Variants in SLFN12L observed in about 807,000 individuals in gnomAD.
SLFN12L encodes the protein schlafen family member 12 like.
SLFN12L carries 34 observed loss-of-function variants against 34.8 expected under a neutral mutation model. The observed-to-expected ratio is 0.98, with a 90% CI of 0.74 to 1.30. SLFN12L has a LOEUF of 1.30. Ranked by LOEUF, SLFN12L falls within the 50% of genes most tolerant of loss-of-function variation. SLFN12L has a pLI of 0.00. For synonymous variants in SLFN12L, 259 were observed against 247.5 expected, an observed-to-expected ratio of 1.05 and a Z score of -0.44; for missense variants, 703 against 696.2, an observed-to-expected ratio of 1.01 and a Z score of -0.11.
chr17:35,534,525 G>A (rs2072440703), intron 1 of SLFN12L, among the ~76,000 whole-genome samples: 1 of 151,700 alleles, frequency 6.6e-6, no homozygotes, highest in Admixed American at 6.6e-5. Context: ...AACAGATGGT[G>A]ATGTGGACTA....
rs1913844436 is a variant in SLFN12L at position 35,473,615 on chromosome 17, T to C, written c.*1308A>G. 1.3e-5 allele frequency: 2 copies of C among 152,160 alleles called. No individual in the cohort carries two copies. Among genetic ancestry groups the C allele is most frequent in the Admixed American group, 1.3e-4 (2 of 15,272 alleles). The allele number at this position is 152,160 out of a possible 1,614,324, so 9.4% of individuals were successfully genotyped here. A position where few individuals can be genotyped will look rare whatever the true frequency, so the allele number is the denominator to read the frequency against. ...CAGGGATATTGGCCTGAAGTTTTCCTTTTTTTATTGTGTCCCTACCAGGTT... is the reference window on the plus strand; with the variant it reads ...CAGGGATATTGGCCTGAAGTTTTCCCTTTTTTATTGTGTCCCTACCAGGTT... On this transcript the variant is annotated 3_prime_UTR_variant, in exon 5 of 5. Transcript: ENST00000628453.
chr17:35,480,048 C>G lies in SLFN12L; in HGVS notation c.234G>C (p.Leu78=). The G allele has an allele frequency of 6.2e-7, 1 of 1,614,172 alleles. No individual in the cohort carries two copies. Among genetic ancestry groups the G allele is most frequent in the Non-Finnish European group, 8.5e-7 (1 of 1,180,028 alleles). ...AGACATTTTCATTCTGCTGTTTTCTCAGTTGACAATCCTTCATTTTTTTTC... is the reference window on the plus strand; with the variant it reads ...AGACATTTTCATTCTGCTGTTTTCTGAGTTGACAATCCTTCATTTTTTTTC... ...NNRKKMKDCQ[L]RKQQNENVSR... is the part of the protein sequence containing the mutation. Residue 78 remains leucine, a synonymous_variant, in exon 3 of 5, where the codon CTG becomes CTC. Coordinates refer to ENST00000628453, the MANE Select transcript of SLFN12L (RefSeq NM_001363830.2).
intron 2 of SLFN12L, chr17:35,515,056 GTTTC>G (rs1915768633): frequency 1.7e-6 from 1 of 592,454 alleles, no homozygotes; most frequent in Non-Finnish European, 3.3e-6. Context: ...GCCAGCTTCT[GTTTC>G]TTTCTTTATT....
intron 2 of SLFN12L, among the ~76,000 whole-genome samples, chr17:35,505,543 T>A (rs1323499553): frequency 6.6e-6 from 1 of 152,242 alleles, no homozygotes; most frequent in Non-Finnish European, 1.5e-5. Context: ...CAAAGCTTGC[T>A]ATGTGAAAAT....
At chr17:35,517,489 A>G (rs1431785624) in intron 2 of SLFN12L, among the ~76,000 whole-genome samples, 1 of 152,200 alleles carries the variant, frequency 6.6e-6, no homozygotes, top group African/African-American at 2.4e-5. Context: ...TAATTTATAG[A>G]TTCAATGCTA....
rs2142122901 is a variant in SLFN12L at position 35,474,800 on chromosome 17, C to CA, written c.*122dup. ...AAAAAAAATTAGCCAGGTGTGGTGGCAGGCACATGTAATCCCAGCTACTCG... is the reference window on the plus strand; with the variant it reads ...AAAAAAAATTAGCCAGGTGTGGTGGCAAGGCACATGTAATCCCAGCTACTCG... On this transcript the variant is annotated 3_prime_UTR_variant, in exon 5 of 5. Transcript: ENST00000628453. 2 of 943,030 alleles carry CA rather than the reference C, an allele frequency of 2.1e-6. No homozygotes were observed. Among genetic ancestry groups the CA allele is most frequent in the Admixed American group, 3.1e-5 (1 of 31,862 alleles). 58.4% of individuals were successfully genotyped at this position (943,030 alleles called of 1,614,324 possible).
In SLFN12L at chr17:35,480,146, T is replaced by A. The variant is rs759391987; in HGVS notation, c.136A>T (p.Ser46Cys). Residue 46 changes from serine to cysteine, a missense_variant, in exon 3 of 5, where the codon AGT (serine) becomes TGT (cysteine). Coordinates refer to ENST00000628453, the MANE Select transcript of SLFN12L (RefSeq NM_001363830.2). ...GCATAGTTTGTGTCTAAATCAATAC[T>A]GATGTTCATTTTCCCAGCAGCTAAG... ...NGLAAGKMNI[S>C]IDLDTNYAEL... 6.2e-7 allele frequency: 1 copy of A among 1,606,192 alleles called. No individual in the cohort carries two copies. The highest frequency in any genetic ancestry group is 1.3e-5 in the African/African-American group (1 of 74,670).
chr17:35,512,397 G>T (rs1235903243), intron 2 of SLFN12L, among the ~76,000 whole-genome samples: 1 of 129,074 alleles, frequency 7.7e-6, no homozygotes, highest in Admixed American at 9.6e-5. Context: ...ACGGAGTCTC[G>T]CTCTGTCGCC....
chr17:35,487,032 T>G (rs2142136470), intron 2 of SLFN12L, among the ~76,000 whole-genome samples: 1 of 152,356 alleles, frequency 6.6e-6, no homozygotes, highest in Non-Finnish European at 1.5e-5. Flanking sequence ...GCTTGGTTTT[T>G]CTTTCAGGAT....
chr17:35,479,917 T>TC lies in SLFN12L; in HGVS notation c.364dup (p.Glu122GlyfsTer5). On this transcript the variant is annotated frameshift_variant, in exon 3 of 5. Transcript: ENST00000628453. LOFTEE classifies it high-confidence loss of function. The stretch of plus-strand genomic sequence containing the variant: ...TGGCAGCATGTTACTAAAAGAATTT[T>TC]CCAAATCTAGCCCTATTCCATCTTT... 6.2e-7 allele frequency: 1 copy of TC among 1,613,900 alleles called. No individual in the cohort carries two copies. The highest frequency in any genetic ancestry group is 1.7e-5 in the Admixed American group (1 of 59,982).
At chr17:35,536,584 G>A (rs144903227) in intron 1 of SLFN12L, among the ~76,000 whole-genome samples, 5 of 152,188 alleles carry the variant, frequency 3.3e-5, no homozygotes, top group Non-Finnish European at 7.4e-5. Flanking sequence ...GGCTAAGGTG[G>A]GCAGATTGCT....
chr17:35,526,632 C>T (rs1248055667), intron 1 of SLFN12L, among the ~76,000 whole-genome samples: 1 of 152,104 alleles, frequency 6.6e-6, no homozygotes, highest in African/African-American at 2.4e-5. Context: ...GAAATGAAGG[C>T]AGAAATAAAG....
chr17:35,520,618 G>A (rs866096069), intron 2 of SLFN12L, among the ~76,000 whole-genome samples: 3 of 152,004 alleles, frequency 2.0e-5, no homozygotes, highest in Non-Finnish European at 4.4e-5. Flanking sequence ...GGTGATGCAC[G>A]CCTGTAGTCC....
intron 2 of SLFN12L, among the ~76,000 whole-genome samples, chr17:35,520,739 C>T (rs1480850177): frequency 6.6e-6 from 1 of 151,610 alleles, no homozygotes; most frequent in African/African-American, 2.4e-5. Context: ...GAGCAAAACT[C>T]GGTCTCAAAA....
chr17:35,529,117 G>C (rs1307071103), intron 1 of SLFN12L, among the ~76,000 whole-genome samples: 1 of 152,188 alleles, frequency 6.6e-6, no homozygotes, highest in Non-Finnish European at 1.5e-5. Context: ...CTGGTCATTA[G>C]AGAAAAGCAA....
Position 35,469,382 on chromosome 17 carries a change from C to T in SLFN12L, c.*5541G>A, listed in dbSNP as rs1395329433. ...TTCAAACTTTTAACCCACTTTAAAACTCCACCAAGATAATAGTAAAAACCT... is the reference window on the plus strand; with the variant it reads ...TTCAAACTTTTAACCCACTTTAAAATTCCACCAAGATAATAGTAAAAACCT... On this transcript the variant is annotated 3_prime_UTR_variant, in exon 5 of 5. Transcript: ENST00000628453. Among the ~76,000 whole-genome samples the T allele has an allele frequency of 6.8e-6, 1 of 146,932 alleles. No homozygotes were observed. Among genetic ancestry groups the T allele is most frequent in the Non-Finnish European group, 1.5e-5 (1 of 66,886 alleles).
intron 2 of SLFN12L, among the ~76,000 whole-genome samples, chr17:35,507,127 A>C (rs748309501): frequency 6.6e-6 from 1 of 152,234 alleles, no homozygotes; most frequent in Non-Finnish European, 1.5e-5. Context: ...GTGGGCAGGT[A>C]GTTGTGTTAT....
At chr17:35,495,516 G>A (rs114924335) in intron 2 of SLFN12L, among the ~76,000 whole-genome samples, 2,158 of 152,282 alleles carry the variant, frequency 0.014, 60 homozygotes, top group African/African-American at 0.048. Flanking sequence ...GGCCCAGTTT[G>A]TGGCATCTCC....
intron 2 of SLFN12L, among the ~76,000 whole-genome samples, chr17:35,518,546 A>AT (rs776627557): frequency 5.6e-3 from 298 of 53,610 alleles, no homozygotes; most frequent in Non-Finnish European, 7.0e-3. Context: ...GTGAGACTGT[A>AT]TTTAAAAAAA....
Sources: allele counts gnomAD v4.1 joint callset (sites outside exome capture counted in the v4.1 genomes callset), GRCh38; gene constraint gnomAD v4.1.1; transcripts MANE v1.5; gene names NCBI Gene and HGNC (gene_info 2026-07-23, HGNC 2026-07-21).